Variants in NCKAP5 observed in about 807,000 individuals in gnomAD.
NCKAP5 encodes NCK associated protein 5, also known as nck-associated protein 5.
A neutral mutation model predicts 167.0 loss-of-function variants in NCKAP5; 92 were observed. The ratio of observed to expected loss-of-function variants is 0.55; its 90% CI spans 0.47 to 0.66. The LOEUF (loss-of-function observed/expected upper bound fraction) is 0.66. Among genes scored for constraint, NCKAP5 ranks in the 30% least tolerant of loss-of-function variants. The pLI is 0.00. For missense variants in NCKAP5, 2,378 were observed against 2,315.0 expected, an observed-to-expected ratio of 1.03 and a Z score of -0.56; for synonymous variants, 891 against 877.4, an observed-to-expected ratio of 1.02 and a Z score of -0.27.
At chr2:133,218,976 T>C (rs1383526418) in intron 4 of NCKAP5, among the ~76,000 whole-genome samples, 6 of 152,172 alleles carry the variant, frequency 3.9e-5, no homozygotes, top group East Asian at 1.9e-4. Context: ...TTGTAGACTG[T>C]CCACACATTA....
chr2:133,573,607 T>A, the NCKAP5 span, among the ~76,000 whole-genome samples: 1 of 152,184 alleles, frequency 6.6e-6, no homozygotes, highest in African/African-American at 2.4e-5. Context: ...ACTAAGGCAC[T>A]GGAAGGCTCT....
chr2:133,319,154 C>A (rs969660632), intron 3 of NCKAP5, among the ~76,000 whole-genome samples: 13 of 149,586 alleles, frequency 8.7e-5, no homozygotes, highest in Admixed American at 4.0e-4. Context: ...CCCCTCCCCC[C>A]CCGCCCCCTT....
intron 15 of NCKAP5, among the ~76,000 whole-genome samples, chr2:132,780,405 C>T (rs1682931094): frequency 6.6e-6 from 1 of 152,192 alleles, no homozygotes. Flanking sequence ...CCGCCTCAGC[C>T]TCCCAAAGTG....
At chr2:133,482,463 C>A (rs1255399137) in intron 3 of NCKAP5, among the ~76,000 whole-genome samples, 2 of 152,160 alleles carry the variant, frequency 1.3e-5, no homozygotes, top group African/African-American at 4.8e-5. Flanking sequence ...GGCAAGCTGC[C>A]TGCCTTGGCC....
chr2:132,955,501 G>A (rs1189398623), intron 8 of NCKAP5, among the ~76,000 whole-genome samples: 1 of 152,164 alleles, frequency 6.6e-6, no homozygotes, highest in East Asian at 1.9e-4. Context: ...TCTTTTTTAT[G>A]GCTGCATAGT....
chr2:132,789,891 T>C (rs889938060), intron 13 of NCKAP5, 132 bp downstream of exon 13: 10 of 759,388 alleles, frequency 1.3e-5, no homozygotes, highest in African/African-American at 1.1e-4. Flanking sequence ...AGGATGTCAG[T>C]ATAATACATG....
At chr2:132,863,261 G>T (rs1406316400) in intron 10 of NCKAP5, among the ~76,000 whole-genome samples, 1 of 152,116 alleles carries the variant, frequency 6.6e-6, no homozygotes, top group East Asian at 1.9e-4. Flanking sequence ...AGACTTGACT[G>T]TGAGGCAGAT....
chr2:133,347,963 G>T (rs952662430), intron 3 of NCKAP5, among the ~76,000 whole-genome samples: 2 of 152,214 alleles, frequency 1.3e-5, no homozygotes, highest in Non-Finnish European at 2.9e-5. Flanking sequence ...GACAAACCTT[G>T]AGCTCTGTGG....
intron 3 of NCKAP5, among the ~76,000 whole-genome samples, chr2:133,402,227 C>A (rs979026476): frequency 2.6e-5 from 4 of 152,080 alleles, no homozygotes; most frequent in African/African-American, 9.7e-5. Context: ...AAGCACTGTG[C>A]ACTCACGCCT....
At chr2:132,684,852 TA>T (rs944699651) in intron 19 of NCKAP5, among the ~76,000 whole-genome samples, 2 of 151,912 alleles carry the variant, frequency 1.3e-5, no homozygotes, top group Non-Finnish European at 2.9e-5. Flanking sequence ...GAATAGAAGC[TA>T]AAAAAAAGTT....
chr2:133,386,659 C>A (rs1157318297), intron 3 of NCKAP5, among the ~76,000 whole-genome samples: 1 of 152,180 alleles, frequency 6.6e-6, no homozygotes, highest in African/African-American at 2.4e-5. Flanking sequence ...GTTAAAGTCT[C>A]CCATTATTAT....
At chr2:133,464,448 T>TG (rs11372693) in intron 3 of NCKAP5, among the ~76,000 whole-genome samples, 152,206 of 152,218 alleles carry the variant, frequency 1, 76,097 homozygotes, top group Middle Eastern at 1. Context: ...CCCAGCCCTT[T>TG]GGGGGCCAAG....
chr2:132,943,303 A>G (rs965994638), intron 8 of NCKAP5, among the ~76,000 whole-genome samples: 2 of 152,248 alleles, frequency 1.3e-5, no homozygotes, highest in Non-Finnish European at 2.9e-5. Flanking sequence ...TAAAAGTCAC[A>G]TGTAAAATAT....
At chr2:133,055,748 C>A (rs1351159974) in intron 6 of NCKAP5, among the ~76,000 whole-genome samples, 1 of 152,012 alleles carries the variant, frequency 6.6e-6, no homozygotes, top group Non-Finnish European at 1.5e-5. Flanking sequence ...ATTATAATAG[C>A]CAGATGCAGA....
At chr2:133,437,995 A>G (rs2151151003) in intron 3 of NCKAP5, among the ~76,000 whole-genome samples, 1 of 152,352 alleles carries the variant, frequency 6.6e-6, no homozygotes, top group Admixed American at 6.5e-5. Flanking sequence ...ACTTTGAAAA[A>G]TCACTGTTCC....
intron 5 of NCKAP5, among the ~76,000 whole-genome samples, chr2:133,137,656 A>T (rs2082843349): frequency 6.6e-6 from 1 of 152,148 alleles, no homozygotes; most frequent in African/African-American, 2.4e-5. Flanking sequence ...GACAAAGATT[A>T]TATATGTCCT....
intron 3 of NCKAP5, among the ~76,000 whole-genome samples, chr2:133,324,152 C>T (rs1682267569): frequency 6.6e-6 from 1 of 152,218 alleles, no homozygotes; most frequent in South Asian, 2.1e-4. Flanking sequence ...ATGAAATTTA[C>T]CTCACCTATC....
At chr2:133,414,113 T>A (rs1027591830) in intron 3 of NCKAP5, among the ~76,000 whole-genome samples, 2 of 152,202 alleles carry the variant, frequency 1.3e-5, no homozygotes, top group Admixed American at 1.3e-4. Flanking sequence ...ATACTAAATG[T>A]CACGCCACAG....
chr2:133,653,367 G>A, the NCKAP5 span, among the ~76,000 whole-genome samples: 1 of 152,230 alleles, frequency 6.6e-6, no homozygotes, highest in East Asian at 1.9e-4. Flanking sequence ...AAATAAATGG[G>A]AAGGTTCTTC....
Sources: gnomAD v4.1 joint callset for allele counts (sites outside exome capture counted in the v4.1 genomes callset) on GRCh38, gnomAD v4.1.1 for gene constraint, MANE v1.5 for transcripts, NCBI Gene and HGNC (gene_info 2026-07-23, HGNC 2026-07-21) for gene names.